TTYH3: variants seen among roughly 807,000 people sequenced by gnomAD.
TTYH3 encodes protein tweety homolog 3.
In TTYH3, 23 loss-of-function variants were observed where a neutral mutation model predicts 68.2. That is an observed-to-expected ratio of 0.34 (90% confidence interval 0.24 to 0.48). The LOEUF is 0.48. TTYH3 is among the 20% of genes least tolerant of loss of function. The pLI, the probability that TTYH3 is intolerant of heterozygous loss-of-function variation, is 0.99. For missense variants in TTYH3, 768 were observed against 727.7 expected (o/e 1.06, Z -0.64); for synonymous variants, 360 against 332.8 (o/e 1.08, Z -0.89).
At chr7:2,658,859 G>T (rs555853798) in intron 12 of TTYH3, 81 bp from the exon 13 acceptor site, 234 of 1,375,484 alleles carry the variant, frequency 1.7e-4, no homozygotes, top group Non-Finnish European at 2.3e-4. Flanking sequence ...GGCACAGCGG[G>T]CCTACCCATG....
rs968928163 is a variant in TTYH3, at chr7:2,632,080, C to T, written c.-76C>T. 3 of 1,213,596 alleles carry T rather than the reference C, an allele frequency of 2.5e-6. No homozygotes were observed. Among genetic ancestry groups the T allele is most frequent in the African/African-American group, 3.2e-5 (2 of 63,280 alleles). 75.2% of individuals were successfully genotyped at this position (1,213,596 alleles called of 1,614,324 possible). ...GGCGGCCAGGCGGGGGTCGACGGGT[C>T]CCTGAAGCCCGCGCCCCGGGCCAGC... On this transcript the variant is annotated 5_prime_UTR_variant, in exon 1 of 14. Transcript: ENST00000258796.
rs1448911240 is a variant in TTYH3 at position 2,648,059 on chromosome 7, G to T, written c.722+5G>T. 6.2e-7 allele frequency: 1 copy of T among 1,606,054 alleles called. No individual in the cohort carries two copies. Reference sequence around the variant, plus strand: ...CTCCAAGGGCATCCTGGTGGGGTGAGTCTGGGGGTGTCGGCCCCCCGTGGG... The same window carrying T: ...CTCCAAGGGCATCCTGGTGGGGTGATTCTGGGGGTGTCGGCCCCCCGTGGG... On this transcript the variant is annotated splice_donor_5th_base_variant and intron_variant, in intron 5 of 13. Transcript: ENST00000258796.
Position 2,646,927 on chromosome 7 carries a change from C to G in TTYH3, c.198C>G (p.Phe66Leu). The change falls in exon 2 of 14, where the codon TTC (phenylalanine) becomes TTG (leucine). Residue 66 changes from phenylalanine (F) to leucine (L), a missense_variant. Coordinates refer to ENST00000258796, the MANE Select transcript of TTYH3 (RefSeq NM_025250.3). Reference sequence around the variant, plus strand: ...TCCTCTTCCTGCTCTTCTACTCCTTCTGGCTGTGCTGCCGGCGGCGCAAGA... The same window carrying G: ...TCCTCTTCCTGCTCTTCTACTCCTTGTGGCTGTGCTGCCGGCGGCGCAAGA... ...LDLLFLLFYS[F>L]WLCCRRRKSE... is the part of the protein sequence containing the mutation. 6.2e-7 allele frequency: 1 copy of G among 1,601,110 alleles called. No individual in the cohort carries two copies. The highest frequency in any genetic ancestry group is 1.1e-5 in the South Asian group (1 of 90,700).
At chr7:2,660,092 G>A (rs1443864099) in intron 13 of TTYH3, 5 of 1,280,212 alleles carry the variant, frequency 3.9e-6, no homozygotes, top group South Asian at 1.3e-5. Context: ...TGCGCCTCCC[G>A]CCTCCACCCT....
intron 11 of TTYH3, among the ~76,000 whole-genome samples, chr7:2,657,764 TGCTTGCTGCCAGGCA>T (rs1353313364): frequency 6.6e-6 from 1 of 152,228 alleles, no homozygotes; most frequent in African/African-American, 2.4e-5. Context: ...GTTTCTGAAG[TGCTTGCTGCCAGGCA>T]GCCCACCCTG....
intron 1 of TTYH3, 108 bp downstream of exon 1, chr7:2,632,386 C>A: frequency 1.7e-6 from 2 of 1,201,336 alleles, no homozygotes; most frequent in Non-Finnish European, 2.2e-6. Flanking sequence ...CCCTCATCCC[C>A]CCCTCCAGGG....
chr7:2,661,904 G>A lies in TTYH3; in HGVS notation c.*165G>A. The stretch of plus-strand genomic sequence containing the variant: ...CCTGTCCCCTCCCCGCAGGGGCACA[G>A]TGGAGACGCAGGGGCTCTGGGCCCG... On this transcript the variant is annotated 3_prime_UTR_variant, in exon 14 of 14. Coordinates refer to ENST00000258796, the MANE Select transcript of TTYH3 (RefSeq NM_025250.3). 1 of 739,146 alleles carries A rather than the reference G, an allele frequency of 1.4e-6. No individual in the cohort carries two copies. Among genetic ancestry groups the A allele is most frequent in the Non-Finnish European group, 2.2e-6 (1 of 446,704 alleles). The allele number at this position is 739,146 out of a possible 1,614,324, so 45.8% of individuals were successfully genotyped here. A position where few individuals can be genotyped will look rare whatever the true frequency, so the allele number is the denominator to read the frequency against.
In TTYH3 at chr7:2,658,757, G is replaced by A. The variant is rs373229299; in HGVS notation, c.1425-183G>A. Among the ~76,000 whole-genome samples the A allele has an allele frequency of 2.3e-4, 35 of 152,340 alleles. No individual in the cohort carries two copies. The East Asian group carries it at 2.3e-3, about 10-fold the overall frequency. On this transcript the variant is annotated intron_variant, in intron 12 of 13. Transcript: ENST00000258796. ...GGGAGTGGACTCTGGCTGGGCCAAG[G>A]TGGGCAGGGGTCTCTCTGTGGGCCC...
At chr7:2,658,606 C>T in intron 12 of TTYH3, 147 bp downstream of exon 12, 1 of 983,654 alleles carries the variant, frequency 1.0e-6, no homozygotes, top group African/African-American at 1.6e-5. Flanking sequence ...CCTCCTGCCC[C>T]AGGTGAACAC....
chr7:2,656,655 C>A, intron 11 of TTYH3, 121 bp downstream of exon 11: 3 of 1,248,294 alleles, frequency 2.4e-6, no homozygotes, highest in Non-Finnish European at 3.2e-6. Flanking sequence ...CAGACACCTC[C>A]TCACCTCGTG....
At chr7:2,641,019 A>G (rs1426540985) in intron 1 of TTYH3, among the ~76,000 whole-genome samples, 2 of 152,134 alleles carry the variant, frequency 1.3e-5, no homozygotes, top group African/African-American at 2.4e-5. Context: ...TATGGGGACA[A>G]TGGGGCTTCC....
chr7:2,655,790 G>A (rs1052607940), intron 9 of TTYH3, among the ~76,000 whole-genome samples: 1 of 152,216 alleles, frequency 6.6e-6, no homozygotes, highest in Non-Finnish European at 1.5e-5. Flanking sequence ...GGGGTTCGCT[G>A]TTTCTCCCAT....
intron 1 of TTYH3, among the ~76,000 whole-genome samples, chr7:2,636,677 C>A (rs1423484353): frequency 6.6e-6 from 1 of 152,112 alleles, no homozygotes; most frequent in Non-Finnish European, 1.5e-5. Flanking sequence ...CAGGAAGCCC[C>A]TGATGGCTGG....
rs115577660 is a variant in TTYH3 at position 2,652,063 on chromosome 7, A to G, written c.872-124A>G. 1.6e-3 allele frequency: 1,289 copies of G among 781,782 alleles called. 13 individuals are homozygous for G. In the African/African-American group the frequency reaches 0.019, roughly 12 times the overall value. 48.4% of individuals were successfully genotyped at this position (781,782 alleles called of 1,614,324 possible). A position where few individuals can be genotyped will look rare whatever the true frequency, so the allele number is the denominator to read the frequency against. On this transcript the variant is annotated intron_variant, in intron 7 of 13. Coordinates refer to ENST00000258796, the MANE Select transcript of TTYH3 (RefSeq NM_025250.3). The stretch of plus-strand genomic sequence containing the variant: ...TGTGTAAACAGGTGCACACAGACAC[A>G]CATGCACACATGTAAACATGCACGC...
Position 2,652,195 on chromosome 7 carries a change from C to T in TTYH3, c.880C>T (p.Gln294Ter). The T allele has an allele frequency of 1.2e-6, 2 of 1,613,408 alleles. No homozygotes were observed. The highest frequency in any genetic ancestry group is 1.7e-6 in the Non-Finnish European group (2 of 1,180,002). Residue 294 changes from glutamine (Q) to a stop codon, truncating the protein, a stop_gained, in exon 8 of 14, where the codon CAG becomes TAG. Transcript: ENST00000258796. LOFTEE classifies it high-confidence loss of function. ...CTGATGTCTCTCCGCAGACATCCTG[C>T]AGTACTACCTGGCCTGCTCGCCCCG... ...EYSVLSGDIL[Q>*]YYLACSPRAA...
chr7:2,653,811 G>C (rs568985848), intron 9 of TTYH3, among the ~76,000 whole-genome samples: 1 of 152,088 alleles, frequency 6.6e-6, no homozygotes, highest in Admixed American at 6.5e-5. Flanking sequence ...TGCGGTGAGC[G>C]GAGATCACGC....
intron 11 of TTYH3, 94 bp from the exon 12 acceptor site, chr7:2,658,192 G>T: frequency 7.8e-7 from 1 of 1,286,980 alleles, no homozygotes; most frequent in South Asian, 1.6e-5. Context: ...CTGGAACCAG[G>T]AGTGTCTGTC....
intron 9 of TTYH3, among the ~76,000 whole-genome samples, chr7:2,653,755 T>A (rs1010014328): frequency 6.6e-6 from 1 of 152,094 alleles, no homozygotes; most frequent in Non-Finnish European, 1.5e-5. Context: ...CCCAGCTACT[T>A]CAGAGGCTGA....
chr7:2,656,084 C>G lies in TTYH3; in HGVS notation c.1021-8C>G. The stretch of plus-strand genomic sequence containing the variant: ...AAGTGCTGACCATCTGCGGTGCGTG[C>G]CCCCCAGGACCCCCTCCTCCGCGTC... On this transcript the variant is annotated splice_polypyrimidine_tract_variant and splice_region_variant and intron_variant, in intron 9 of 13. Coordinates refer to ENST00000258796, the MANE Select transcript of TTYH3 (RefSeq NM_025250.3). The G allele has an allele frequency of 6.5e-7, 1 of 1,532,398 alleles. No homozygotes were observed. The highest frequency in any genetic ancestry group is 1.7e-4 in the Middle Eastern group (1 of 5,838). 94.9% of individuals were successfully genotyped at this position (1,532,398 alleles called of 1,614,324 possible).
Sources: gnomAD v4.1 joint callset for allele counts (sites outside exome capture counted in the v4.1 genomes callset) on GRCh38, gnomAD v4.1.1 for gene constraint, MANE v1.5 for transcripts, NCBI Gene and HGNC (gene_info 2026-07-23, HGNC 2026-07-21) for gene names.